RASGRP3: variants seen among roughly 807,000 people sequenced by gnomAD.
RASGRP3 encodes the protein RAS guanyl releasing protein 3.
A neutral mutation model predicts 82.7 loss-of-function variants in RASGRP3; 54 were observed. That is an observed-to-expected ratio of 0.65 (90% CI 0.52 to 0.82). The LOEUF is 0.82. Among genes scored for constraint, RASGRP3 ranks in the 40% least tolerant of loss-of-function variants. The pLI is 0.00. For synonymous variants in RASGRP3, 309 were observed against 300.5 expected (o/e 1.03, Z -0.29); for missense variants, 861 against 828.9 (o/e 1.04, Z -0.48).
At chr2:33,490,702 T>C (rs1247305849) in intron 1 of RASGRP3, among the ~76,000 whole-genome samples, 1 of 152,230 alleles carries the variant, frequency 6.6e-6, no homozygotes, top group Middle Eastern at 3.2e-3. Context: ...TCCAGAGCGA[T>C]CTGAGCCATT....
At chr2:33,506,096 C>G (rs1181230231) in intron 1 of RASGRP3, among the ~76,000 whole-genome samples, 1 of 152,186 alleles carries the variant, frequency 6.6e-6, no homozygotes, top group Non-Finnish European at 1.5e-5. Context: ...GTGAGATGAG[C>G]TCTGAGCTGG....
chr2:33,502,167 C>T lies in RASGRP3; in HGVS notation c.-260-9543C>T, dbSNP rs147141698. On this transcript the variant is annotated intron_variant, in intron 1 of 17. Coordinates refer to ENST00000403687, the MANE Select transcript of RASGRP3 (RefSeq NM_001139488.2). Reference sequence around the variant, plus strand: ...TGGCCAGAAGACACCTCACGTTTATCTATGTAGAGGAAATACAAGGGGAGT... The same window carrying T: ...TGGCCAGAAGACACCTCACGTTTATTTATGTAGAGGAAATACAAGGGGAGT... 2.7e-3 allele frequency among the ~76,000 whole-genome samples: 405 copies of T among 152,122 alleles called. 4 individuals carry two copies. The highest frequency in any genetic ancestry group is 9.2e-3 in the African/African-American group (382 of 41,474).
At chr2:33,484,249 C>T (rs1668172848) in intron 1 of RASGRP3, among the ~76,000 whole-genome samples, 1 of 152,208 alleles carries the variant, frequency 6.6e-6, no homozygotes, top group Non-Finnish European at 1.5e-5. Flanking sequence ...TCTGGCCACA[C>T]TCTAACAACT....
chr2:33,545,708 A>G (rs1192531480), intron 13 of RASGRP3, among the ~76,000 whole-genome samples: 1 of 152,252 alleles, frequency 6.6e-6, no homozygotes. Context: ...CAATAAGCAT[A>G]TGAAAAAAAG....
At chr2:33,515,293 A>C (rs1671345623) in intron 3 of RASGRP3, 87 bp downstream of exon 3, 2 of 1,424,798 alleles carry the variant, frequency 1.4e-6, no homozygotes, top group Non-Finnish European at 2.0e-6. Context: ...TGTAGAACAG[A>C]GTTCAGTCTC....
chr2:33,529,492 A>AC (rs1672902355), intron 10 of RASGRP3, among the ~76,000 whole-genome samples: 1 of 150,568 alleles, frequency 6.6e-6, no homozygotes, highest in Non-Finnish European at 1.5e-5. Context: ...CATCTCAAAA[A>AC]AAAAAAAATT....
rs141724140 is a variant in RASGRP3 at position 33,516,473 on chromosome 2, C to T, written c.71-69C>T. 10 of 1,050,000 alleles carry T rather than the reference C, an allele frequency of 9.5e-6. No homozygotes were observed. In the East Asian group the frequency reaches 1.6e-4, roughly 16 times the overall value. The allele number at this position is 1,050,000 out of a possible 1,614,324, so 65.0% of individuals were successfully genotyped here. A position where few individuals can be genotyped will look rare whatever the true frequency, so the allele number is the denominator to read the frequency against. ...TTTGACATATGACACTACTGCGTCT[C>T]TACTGATGTTAGAAAAAGTAAAGAA... On this transcript the variant is annotated intron_variant, in intron 3 of 17. Transcript: ENST00000403687.
At chr2:33,448,830 T>G (rs934094954) in intron 2 of RASGRP3, among the ~76,000 whole-genome samples, 3 of 152,188 alleles carry the variant, frequency 2.0e-5, no homozygotes, top group African/African-American at 7.2e-5. Context: ...TTATATATAT[T>G]TATTACAATT....
intron 8 of RASGRP3, among the ~76,000 whole-genome samples, 166 bp from the exon 9 acceptor site, chr2:33,524,266 G>T (rs1672313549): frequency 6.6e-6 from 1 of 152,164 alleles, no homozygotes; most frequent in Admixed American, 6.5e-5. Context: ...ATTTCTCTGT[G>T]AAATAATAGA....
chr2:33,537,091 T>C (rs565153126), intron 11 of RASGRP3, among the ~76,000 whole-genome samples: 6 of 152,032 alleles, frequency 3.9e-5, no homozygotes, highest in South Asian at 4.2e-4. Flanking sequence ...AGAGGTTTTA[T>C]TGAATGACAG....
chr2:33,444,055 T>C (rs1665374457), intron 1 of RASGRP3, among the ~76,000 whole-genome samples: 1 of 152,124 alleles, frequency 6.6e-6, no homozygotes, highest in African/African-American at 2.4e-5. Context: ...GTAATCCCAG[T>C]GTTTTGGGAG....
chr2:33,537,551 G>A (rs551385083), intron 11 of RASGRP3, among the ~76,000 whole-genome samples: 1 of 151,910 alleles, frequency 6.6e-6, no homozygotes, highest in African/African-American at 2.4e-5. Context: ...AGTAGACAGG[G>A]AGTTTCACCA....
rs112281620 is a variant in RASGRP3 at position 33,491,471 on chromosome 2, T to C, written c.-261+14764T>C. Among the ~76,000 whole-genome samples the C allele has an allele frequency of 3.9e-3, 594 of 152,328 alleles. 3 individuals carry two copies. The highest frequency in any genetic ancestry group is 0.014 in the African/African-American group (572 of 41,572). On this transcript the variant is annotated intron_variant, in intron 1 of 17. Coordinates refer to ENST00000403687, the MANE Select transcript of RASGRP3 (RefSeq NM_001139488.2). ...TTAATCTTTTTGTATTCCAACTTAT[T>C]TATTTATAACATAGAAATAATGCTA...
At chr2:33,513,038 C>A (rs1382223530) in intron 2 of RASGRP3, among the ~76,000 whole-genome samples, 1 of 152,082 alleles carries the variant, frequency 6.6e-6, no homozygotes, top group African/African-American at 2.4e-5. Flanking sequence ...TCAGGAAAGG[C>A]CTTACAGATA....
At chr2:33,505,558 T>C (rs4430917) in intron 1 of RASGRP3, among the ~76,000 whole-genome samples, 89,989 of 152,060 alleles carry the variant, frequency 0.59, 28,394 homozygotes, top group African/African-American at 0.82. Flanking sequence ...CACAGCCTCT[T>C]AAAGTGCTGG....
chr2:33,549,767 GT>G lies in RASGRP3; in HGVS notation c.1542+18del. The G allele has an allele frequency of 6.2e-7, 1 of 1,609,322 alleles. No homozygotes were observed. The highest frequency in any genetic ancestry group is 8.5e-7 in the Non-Finnish European group (1 of 1,177,860). Reference sequence around the variant, plus strand: ...TGCGGGATTTGTAAGTCTGTTTTCCGTTGTTTTCTTATGTGTGTAGTTATTT... The same window carrying G: ...TGCGGGATTTGTAAGTCTGTTTTCCGTGTTTTCTTATGTGTGTAGTTATTT... On this transcript the variant is annotated intron_variant, in intron 14 of 17. Coordinates refer to ENST00000403687, the MANE Select transcript of RASGRP3 (RefSeq NM_001139488.2).
chr2:33,558,583 A>G, intron 16 of RASGRP3, 89 bp from the exon 17 acceptor site: 2 of 1,240,026 alleles, frequency 1.6e-6, no homozygotes, highest in African/African-American at 3.0e-5. Flanking sequence ...AGAATGTTGC[A>G]TGCCAGACTC....
chr2:33,502,144 G>T (rs568837976), intron 1 of RASGRP3, among the ~76,000 whole-genome samples: 6 of 152,214 alleles, frequency 3.9e-5, no homozygotes, highest in African/African-American at 1.4e-4. Flanking sequence ...TTTGGTTTTG[G>T]CCAGAAGACA....
At chr2:33,485,480 A>G (rs1336588797) in intron 1 of RASGRP3, among the ~76,000 whole-genome samples, 3 of 152,350 alleles carry the variant, frequency 2.0e-5, no homozygotes, top group Admixed American at 2.0e-4. Flanking sequence ...CTGCAGAGCT[A>G]AGCCTTTGGC....
Sources: allele counts gnomAD v4.1 joint callset (sites outside exome capture counted in the v4.1 genomes callset), GRCh38; gene constraint gnomAD v4.1.1; transcripts MANE v1.5; gene names NCBI Gene and HGNC (gene_info 2026-07-23, HGNC 2026-07-21).